TBC1D31: variants seen among roughly 807,000 people sequenced by gnomAD.
TBC1D31 encodes WD repeat domain 67.
Under a neutral mutation model 132.9 loss-of-function variants are expected in TBC1D31, and 99 were observed. That is an observed-to-expected ratio of 0.74 (90% CI 0.63 to 0.88). TBC1D31 has a LOEUF of 0.88. TBC1D31 is among the 40% of genes least tolerant of loss of function. The probability of loss-of-function intolerance (pLI) is 0.00; values close to 1 mark genes in which losing one functional copy is unlikely to be tolerated. For missense variants in TBC1D31, 1,134 were observed against 1,256.6 expected (o/e 0.90, Z 1.48); for synonymous variants, 385 against 419.4 (o/e 0.92, Z 1.00).
chr8:123,102,480 A>G, intron 7 of TBC1D31: 1 of 306,320 alleles, frequency 3.3e-6, no homozygotes, highest in Middle Eastern at 1.0e-3. Flanking sequence ...ACAGACAAAT[A>G]CAAATCACTG....
chr8:123,098,226 C>G (rs893237940), intron 6 of TBC1D31, among the ~76,000 whole-genome samples: 6 of 152,190 alleles, frequency 3.9e-5, no homozygotes, highest in African/African-American at 1.4e-4. Flanking sequence ...CACCTCCCCC[C>G]ATATCCACTG....
chr8:123,144,589 A>G, intron 19 of TBC1D31, 128 bp from the exon 20 acceptor site: 2 of 943,378 alleles, frequency 2.1e-6, no homozygotes, highest in Non-Finnish European at 3.1e-6. Flanking sequence ...CATAACACCA[A>G]ACAGATCCTA....
In TBC1D31 at chr8:123,138,787, A is replaced by G. The variant is rs139576420; in HGVS notation, c.2500-1974A>G. ...GAGATAGTGTGATTAATGTTTACTTAAAGTATGTATGGGTCATATTTCTTG... is the reference window on the plus strand; with the variant it reads ...GAGATAGTGTGATTAATGTTTACTTGAAGTATGTATGGGTCATATTTCTTG... On this transcript the variant is annotated intron_variant, in intron 17 of 21. Coordinates refer to ENST00000287380, the MANE Select transcript of TBC1D31 (RefSeq NM_145647.4). Among the ~76,000 whole-genome samples, 331 of 152,140 alleles carry G rather than the reference A, an allele frequency of 2.2e-3. 1 individual carries two copies. The Middle Eastern group carries it at 0.027, about 13-fold the overall frequency.
chr8:123,154,966 G>T (rs1255541484), downstream of TBC1D31, among the ~76,000 whole-genome samples: 2 of 152,164 alleles, frequency 1.3e-5, no homozygotes, highest in African/African-American at 4.8e-5. Context: ...ATTGTAAGGA[G>T]AAATACCTCA....
At chr8:123,090,809 C>T (rs1423654842) in intron 4 of TBC1D31, among the ~76,000 whole-genome samples, 2 of 151,912 alleles carry the variant, frequency 1.3e-5, no homozygotes, top group Admixed American at 6.6e-5. Flanking sequence ...AAAAATTAGC[C>T]GGGCATGTTG....
intron 3 of TBC1D31, 150 bp from the exon 4 acceptor site, chr8:123,084,012 C>A: frequency 1.6e-6 from 1 of 638,880 alleles, no homozygotes; most frequent in Non-Finnish European, 2.7e-6. Flanking sequence ...ATCAACTAGC[C>A]ACAAGCTTCC....
Position 123,140,779 on chromosome 8 carries a change from G to A in TBC1D31, c.2518G>A (p.Glu840Lys). The change falls in exon 18 of 22, where the codon GAA becomes AAA. Residue 840 changes from glutamate (E) to lysine (K), a missense_variant. By Grantham distance (56) the Glu-to-Lys change is moderately conservative (BLOSUM62 1). Transcript: ENST00000287380. ...LYEKNLTENQ[E>K]ALAKEMRADA... ...TTAACAGAATCTTACTGAAAATCAA[G>A]AAGCTCTTGCAAAAGAAATGCGAGC... 1 of 1,602,846 alleles carries A rather than the reference G, an allele frequency of 6.2e-7. No individual in the cohort carries two copies. The highest frequency in any genetic ancestry group is 8.5e-7 in the Non-Finnish European group (1 of 1,177,264).
chr8:123,124,296 T>C (rs986986520), intron 11 of TBC1D31, among the ~76,000 whole-genome samples: 9 of 152,212 alleles, frequency 5.9e-5, no homozygotes, highest in African/African-American at 2.2e-4. Context: ...TTTTAGACAC[T>C]AGAGTCTCTT....
At chr8:123,075,888 A>G (rs1379149442) in intron 1 of TBC1D31, among the ~76,000 whole-genome samples, 7 of 152,158 alleles carry the variant, frequency 4.6e-5, no homozygotes, top group Admixed American at 2.6e-4. Flanking sequence ...ATTTTCTTTC[A>G]ACAGATACAG....
intron 4 of TBC1D31, among the ~76,000 whole-genome samples, chr8:123,085,050 A>G (rs1279046565): frequency 2.6e-5 from 4 of 152,126 alleles, no homozygotes; most frequent in Non-Finnish European, 5.9e-5. Flanking sequence ...TCGGCCTCCC[A>G]AAGTGCTGGG....
rs537147928 is a variant in TBC1D31, at chr8:123,148,254, C to A, written c.2975-1782C>A. Among the ~76,000 whole-genome samples the A allele has an allele frequency of 9.2e-5, 14 of 152,236 alleles. No homozygotes were observed. In the South Asian group the frequency reaches 2.9e-3, roughly 32 times the overall value. Reference sequence around the variant, plus strand: ...TCCGTCAGTAGCTCTAGGGTAGAAACTAGGGAGCTAGATTTTTGTTTTAAA... The same window carrying A: ...TCCGTCAGTAGCTCTAGGGTAGAAAATAGGGAGCTAGATTTTTGTTTTAAA... On this transcript the variant is annotated intron_variant, in intron 20 of 21. Coordinates refer to ENST00000287380, the MANE Select transcript of TBC1D31 (RefSeq NM_145647.4).
At chr8:123,084,595 G>A (rs1815524693) in intron 4 of TBC1D31, among the ~76,000 whole-genome samples, 2 of 152,196 alleles carry the variant, frequency 1.3e-5, no homozygotes, top group Non-Finnish European at 2.9e-5. Flanking sequence ...GATTGCTTTT[G>A]TTTTCATTTT....
chr8:123,152,379 C>A (rs954531655), downstream of TBC1D31, among the ~76,000 whole-genome samples: 1 of 152,108 alleles, frequency 6.6e-6, no homozygotes, highest in African/African-American at 2.4e-5. Context: ...AGCGGGACCC[C>A]CTCTTTGTCA....
At chr8:123,100,001 C>A (rs1436461616) in intron 6 of TBC1D31, among the ~76,000 whole-genome samples, 1 of 152,112 alleles carries the variant, frequency 6.6e-6, no homozygotes, top group Non-Finnish European at 1.5e-5. Context: ...TTCATGAGGG[C>A]AGAGCCGTCA....
intron 8 of TBC1D31, among the ~76,000 whole-genome samples, chr8:123,106,885 C>T (rs1817979420): frequency 6.6e-6 from 1 of 152,138 alleles, no homozygotes; most frequent in South Asian, 2.1e-4. Flanking sequence ...GGGTGAAGTC[C>T]AGAAGAAACC....
chr8:123,072,969 A>G, intron 1 of TBC1D31, 123 bp downstream of exon 1: 1 of 966,722 alleles, frequency 1.0e-6, no homozygotes, highest in Non-Finnish European at 1.6e-6. Context: ...CCTGGGTTGG[A>G]TGACCTGCGG....
In TBC1D31 at chr8:123,109,354, A is replaced by C. The variant is rs1035524994; in HGVS notation, c.1247A>C (p.Gln416Pro). 4 of 1,607,112 alleles carry C rather than the reference A, an allele frequency of 2.5e-6. No individual in the cohort carries two copies. The South Asian group carries it at 4.4e-5, about 18-fold the overall frequency. The change falls in exon 9 of 22, where the codon CAA becomes CCA. Residue 416 changes from glutamine (Q) to proline (P), a missense_variant. Physicochemically the swap from Gln to Pro is moderately conservative, Grantham distance 76. Transcript: ENST00000287380. ...GATGGATTAAACAAAAAGCGTTTAC[A>C]AATCTTATTAAAAGGCTATGGTGAA... Reference protein sequence around the residue: ...LPDGLNKKRLQILLKGYGEYP... With the variant: ...LPDGLNKKRLPILLKGYGEYP...
chr8:123,076,000 GAT>G (rs1333172189), intron 1 of TBC1D31, among the ~76,000 whole-genome samples: 1 of 152,098 alleles, frequency 6.6e-6, no homozygotes, highest in African/African-American at 2.4e-5. Flanking sequence ...ATGTCTAAAA[GAT>G]AGAAAAGTAG....
chr8:123,085,993 G>A (rs1284835213), intron 4 of TBC1D31, among the ~76,000 whole-genome samples: 1 of 152,170 alleles, frequency 6.6e-6, no homozygotes, highest in African/African-American at 2.4e-5. Context: ...AAATGGGTCT[G>A]TGGTAACCAC....
Sources: allele counts gnomAD v4.1 joint callset (sites outside exome capture counted in the v4.1 genomes callset), GRCh38; gene constraint gnomAD v4.1.1; transcripts MANE v1.5; gene names NCBI Gene and HGNC (gene_info 2026-07-23, HGNC 2026-07-21).